TRIM24: variants seen among roughly 807,000 people sequenced by gnomAD.
TRIM24 encodes the protein transcription intermediary factor 1-alpha.
Under a neutral mutation model 123.9 loss-of-function variants are expected in TRIM24, and 29 were observed. The ratio of observed to expected loss-of-function variants is 0.23; its 90% CI spans 0.17 to 0.32. TRIM24 has a LOEUF of 0.32. TRIM24 is among the 10% of genes least tolerant of loss of function. The pLI is 1.00. For missense variants in TRIM24, 932 were observed against 1,295.3 expected (o/e 0.72, Z 4.31); for synonymous variants, 456 against 461.1 (o/e 0.99, Z 0.14).
At chr7:138,573,007 G>A (rs962612258) in intron 11 of TRIM24, among the ~76,000 whole-genome samples, 2 of 152,198 alleles carry the variant, frequency 1.3e-5, no homozygotes, top group African/African-American at 4.8e-5. Flanking sequence ...CATACCCAGA[G>A]TATCAGTTGT....
chr7:138,471,250 TTA>T (rs1198149472), intron 1 of TRIM24, among the ~76,000 whole-genome samples: 3 of 152,208 alleles, frequency 2.0e-5, no homozygotes, highest in Non-Finnish European at 4.4e-5. Flanking sequence ...ATTTTATTCC[TTA>T]TATGTTTTAC....
intron 1 of TRIM24, among the ~76,000 whole-genome samples, chr7:138,494,686 A>T (rs955113189): frequency 6.6e-6 from 1 of 152,204 alleles, no homozygotes; most frequent in Non-Finnish European, 1.5e-5. Context: ...ATCAGGCAAA[A>T]ATCCAAATGT....
Position 138,463,989 on chromosome 7 carries a change from C to CTTTTTTT in TRIM24, c.364+3094_364+3100dup, listed in dbSNP as rs568562414. 9.3e-4 allele frequency among the ~76,000 whole-genome samples: 47 copies of CTTTTTTT among 50,736 alleles called. 6 individuals are homozygous for CTTTTTTT. The highest frequency in any genetic ancestry group is 1.2e-3 in the African/African-American group (15 of 12,194). The allele number at this position is 50,736 out of a possible 152,430, so 33.3% of individuals were successfully genotyped here. ...ATACTAGCTGAAGCAAAAATTTAGACTTTTTTTTTTTTTTTTTTTTTTTGA... is the reference window on the plus strand; with the variant it reads ...ATACTAGCTGAAGCAAAAATTTAGACTTTTTTTTTTTTTTTTTTTTTTTTTTTTTTGA... On this transcript the variant is annotated intron_variant, in intron 1 of 18. Transcript: ENST00000343526.
At chr7:138,506,489 AC>A (rs1466196055) in intron 2 of TRIM24, among the ~76,000 whole-genome samples, 1 of 152,248 alleles carries the variant, frequency 6.6e-6, no homozygotes, top group Non-Finnish European at 1.5e-5. Flanking sequence ...ACTAAAAAAT[AC>A]AGTAGCATAA....
intron 1 of TRIM24, among the ~76,000 whole-genome samples, chr7:138,497,831 C>T (rs948198353): frequency 2.0e-5 from 3 of 151,244 alleles, no homozygotes; most frequent in Non-Finnish European, 4.4e-5. Flanking sequence ...GCTGGGACTA[C>T]AGGCACACGC....
intron 1 of TRIM24, among the ~76,000 whole-genome samples, chr7:138,475,711 A>G (rs1484444512): frequency 6.6e-6 from 1 of 152,264 alleles, no homozygotes; most frequent in East Asian, 1.9e-4. Flanking sequence ...ACGTTTTGCC[A>G]TGTTGGCCAA....
At chr7:138,473,355 T>C (rs865852782) in intron 1 of TRIM24, among the ~76,000 whole-genome samples, 61 of 152,382 alleles carry the variant, frequency 4.0e-4, no homozygotes, top group Middle Eastern at 3.4e-3. Flanking sequence ...ACTTACTGTA[T>C]GCAGACTGAT....
intron 1 of TRIM24, among the ~76,000 whole-genome samples, chr7:138,489,014 G>A (rs553671707): frequency 6.6e-6 from 1 of 152,034 alleles, no homozygotes; most frequent in Non-Finnish European, 1.5e-5. Flanking sequence ...AGGACTTGCT[G>A]TATGAATCTG....
intron 1 of TRIM24, among the ~76,000 whole-genome samples, chr7:138,465,275 T>A (rs1795111095): frequency 2.0e-5 from 3 of 152,224 alleles, no homozygotes. Flanking sequence ...CCTTCAGTCT[T>A]GACTGTCATT....
intron 5 of TRIM24, among the ~76,000 whole-genome samples, chr7:138,527,053 A>G (rs1421646006): frequency 1.3e-5 from 2 of 150,610 alleles, no homozygotes; most frequent in Admixed American, 6.6e-5. Flanking sequence ...ATTTTTTTTT[A>G]TGTACCGCTG....
At position 138,515,281 on chromosome 7, in the gene TRIM24, A is replaced by G. The variant is rs1240577430; in HGVS notation, c.553A>G (p.Lys185Glu). 2 of 1,614,140 alleles carry G rather than the reference A, an allele frequency of 1.2e-6. No individual in the cohort carries two copies. The highest frequency in any genetic ancestry group is 2.2e-5 in the South Asian group (2 of 91,076). Residue 185 changes from lysine to glutamate, a missense_variant, in exon 3 of 19, where the codon AAG (lysine) becomes GAG (glutamate). This residue lies in a region of TRIM24 where 74 missense variants were observed against 163.6 expected (regional missense o/e 0.45). Coordinates refer to ENST00000343526, the MANE Select transcript of TRIM24 (RefSeq NM_015905.3). The stretch of plus-strand genomic sequence containing the variant: ...TGTAGAGTGTGTTGAATGGCTCTGC[A>G]AGACGTGTATCAGAGCTCATCAGAG... ...FCVECVEWLC[K>E]TCIRAHQRVK...
At chr7:138,540,205 G>A (rs1796974564) in intron 7 of TRIM24, among the ~76,000 whole-genome samples, 1 of 152,188 alleles carries the variant, frequency 6.6e-6, no homozygotes, top group Non-Finnish European at 1.5e-5. Context: ...AGTTGCTGAA[G>A]GTTGGGATAG....
intron 14 of TRIM24, among the ~76,000 whole-genome samples, chr7:138,578,684 A>T (rs1001597637): frequency 6.6e-6 from 1 of 152,340 alleles, no homozygotes; most frequent in South Asian, 2.1e-4. Context: ...CATTTTATTT[A>T]GAAATATGGA....
At chr7:138,502,445 A>C (rs1796061870) in intron 1 of TRIM24, among the ~76,000 whole-genome samples, 1 of 152,228 alleles carries the variant, frequency 6.6e-6, no homozygotes. Flanking sequence ...AGGCTCAAAA[A>C]GATTGATTAG....
At chr7:138,516,322 AT>A (rs1344865464) in intron 3 of TRIM24, among the ~76,000 whole-genome samples, 2 of 152,104 alleles carry the variant, frequency 1.3e-5, no homozygotes, top group Non-Finnish European at 2.9e-5. Flanking sequence ...AATAATAATA[AT>A]AACTCCAATT....
chr7:138,533,868 TATTA>T (rs1394548444), intron 6 of TRIM24, among the ~76,000 whole-genome samples: 2 of 152,220 alleles, frequency 1.3e-5, no homozygotes, highest in Non-Finnish European at 2.9e-5. Flanking sequence ...GTTGGTAGGC[TATTA>T]ATTATTGCCT....
At chr7:138,460,956 A>G (rs1773704217) in intron 1 of TRIM24, 44 bp downstream of exon 1, 1 of 1,366,436 alleles carries the variant, frequency 7.3e-7, no homozygotes, top group Non-Finnish European at 9.4e-7. Context: ...GGAGAGGGCC[A>G]GGAGGGGGCG....
Position 138,549,135 on chromosome 7 carries a change from A to G in TRIM24, c.1144-1928A>G, listed in dbSNP as rs1246270630. On this transcript the variant is annotated intron_variant, in intron 7 of 18. Coordinates refer to ENST00000343526, the MANE Select transcript of TRIM24 (RefSeq NM_015905.3). ...TGTTTACACCAGTATCACCATAAAC[A>G]CTTGAGTAATGCCTGGTGCTGTGAT... Among the ~76,000 whole-genome samples, 3 of 152,252 alleles carry G rather than the reference A, an allele frequency of 2.0e-5. 1 individual carries two copies. The highest frequency in any genetic ancestry group is 2.9e-5 in the Non-Finnish European group (2 of 68,040).
intron 9 of TRIM24, among the ~76,000 whole-genome samples, chr7:138,557,927 C>T (rs1379130579): frequency 1.4e-5 from 2 of 147,504 alleles, no homozygotes; most frequent in Admixed American, 1.4e-4. Flanking sequence ...GTGGCTGACC[C>T]ATAATATTGG....
Sources: allele counts gnomAD v4.1 joint callset (sites outside exome capture counted in the v4.1 genomes callset), GRCh38; gene constraint gnomAD v4.1.1; regional missense constraint gnomAD v4.1.1; transcripts MANE v1.5; gene names NCBI Gene and HGNC (gene_info 2026-07-23, HGNC 2026-07-21).